REV3L: variants seen among roughly 807,000 people sequenced by gnomAD.
REV3L encodes the protein DNA polymerase zeta catalytic subunit.
REV3L carries 69 observed loss-of-function variants against 299.4 expected under a neutral mutation model. The observed-to-expected ratio is 0.23, with a 90% confidence interval of 0.19 to 0.28. The LOEUF is 0.28. Ranked by LOEUF, REV3L falls within the 10% of genes least tolerant of loss-of-function variation. The pLI is 1.00. For missense variants in REV3L, 3,128 were observed against 3,693.8 expected (o/e 0.85, Z 3.97); for synonymous variants, 1,238 against 1,271.4 (o/e 0.97, Z 0.56).
At chr6:111,333,404 C>G in intron 22 of REV3L, 37 bp from the exon 23 acceptor site, 3 of 1,606,566 alleles carry the variant, frequency 1.9e-6, no homozygotes, top group Non-Finnish European at 2.6e-6. Flanking sequence ...AGAAGAAACA[C>G]AGTTAAATAT....
At chr6:111,352,692 T>TA (rs1777699112) in intron 18 of REV3L, among the ~76,000 whole-genome samples, 1 of 152,082 alleles carries the variant, frequency 6.6e-6, no homozygotes, top group Non-Finnish European at 1.5e-5. Flanking sequence ...TGATTCAACT[T>TA]AATGGAAGAA....
At chr6:111,364,000 C>CAT (rs773841543) in intron 15 of REV3L, 22 bp from the exon 16 acceptor site, 1 of 1,590,518 alleles carries the variant, frequency 6.3e-7, no homozygotes, top group African/African-American at 1.4e-5. Context: ...AACACACACA[C>CAT]ACACAGCCAG....
intron 3 of REV3L, among the ~76,000 whole-genome samples, chr6:111,408,454 A>T (rs1227267239): frequency 6.6e-6 from 1 of 152,098 alleles, no homozygotes; most frequent in Non-Finnish European, 1.5e-5. Flanking sequence ...ATATTAAAAA[A>T]TTAGCCAGGC....
chr6:111,413,795 A>T (rs999706707), intron 2 of REV3L, among the ~76,000 whole-genome samples: 4 of 152,122 alleles, frequency 2.6e-5, no homozygotes, highest in African/African-American at 7.2e-5. Context: ...CTACTCTCAA[A>T]AATGTGGCAA....
chr6:111,310,177 A>G (rs1231828466), intron 29 of REV3L, 78 bp from the exon 30 acceptor site: 1 of 1,439,478 alleles, frequency 6.9e-7, no homozygotes. Context: ...AGTCAGAATT[A>G]AACAATAATA....
rs537623564 is a variant in REV3L, at chr6:111,461,905, C to A, written c.139+20845G>T. 2.6e-5 allele frequency among the ~76,000 whole-genome samples: 4 copies of A among 152,056 alleles called. No individual in the cohort carries two copies. In the South Asian group the frequency reaches 8.3e-4, roughly 32 times the overall value. On this transcript the variant is annotated intron_variant, in intron 1 of 31. Transcript: ENST00000368802. ...CCATAGTGGTAGATTTTAATCCAAC[C>A]ATATTACCAATGTTGATAAATATAA...
At chr6:111,472,038 G>T in intron 1 of REV3L, 1 of 1,185,316 alleles carries the variant, frequency 8.4e-7, no homozygotes, top group South Asian at 1.5e-5. Context: ...ACAATTTTGA[G>T]AGAAATCTTC....
chr6:111,462,253 G>A (rs766759686), intron 1 of REV3L, among the ~76,000 whole-genome samples: 2 of 152,040 alleles, frequency 1.3e-5, no homozygotes, highest in Non-Finnish European at 2.9e-5. Flanking sequence ...TTGCTAATAT[G>A]TATGAAATTC....
At chr6:111,411,962 A>G (rs928206477) in intron 2 of REV3L, 2 of 984,980 alleles carry the variant, frequency 2.0e-6, no homozygotes, top group African/African-American at 1.7e-5. Flanking sequence ...AGAGAAACAG[A>G]CCTTTCAGCC....
At chr6:111,430,563 ATG>A (rs1786780664) in intron 1 of REV3L, 2 of 1,568,034 alleles carry the variant, frequency 1.3e-6, no homozygotes. Flanking sequence ...CATAGACTTC[ATG>A]GCTGACTTGC....
intron 24 of REV3L, 70 bp from the exon 25 acceptor site, chr6:111,329,808 T>C: frequency 1.7e-6 from 2 of 1,171,812 alleles, no homozygotes; most frequent in East Asian, 2.5e-5. Flanking sequence ...GAAGGAAGCA[T>C]AAAACATAAT....
At chr6:111,307,950 G>A (rs371195383) in intron 30 of REV3L, 7 of 221,128 alleles carry the variant, frequency 3.2e-5, no homozygotes, top group African/African-American at 1.1e-4. Context: ...CCCACCCCCC[G>A]ACAGGCCCTG....
chr6:111,440,321 G>A (rs1583002141), intron 1 of REV3L, among the ~76,000 whole-genome samples: 1 of 152,094 alleles, frequency 6.6e-6, no homozygotes. Context: ...CACCCACCTG[G>A]GCCTCCCAAA....
chr6:111,376,783 T>C (rs1264073019), intron 12 of REV3L, 26 bp from the exon 13 acceptor site: 1 of 1,489,902 alleles, frequency 6.7e-7, no homozygotes, highest in Non-Finnish European at 8.9e-7. Flanking sequence ...AAAAACAGTT[T>C]ATTTCATTTT....
chr6:111,304,168 T>C (rs1019237300), intron 31 of REV3L, among the ~76,000 whole-genome samples: 3 of 147,958 alleles, frequency 2.0e-5, no homozygotes, highest in Admixed American at 2.0e-4. Context: ...TGGTCTTGGA[T>C]TGAGAATGAT....
Position 111,482,950 on chromosome 6 carries a change from G to C in REV3L, c.-62C>G. 1 of 1,453,018 alleles carries C rather than the reference G, an allele frequency of 6.9e-7. No individual in the cohort carries two copies. The highest frequency in any genetic ancestry group is 9.0e-7 in the Non-Finnish European group (1 of 1,109,778). 90.0% of individuals were successfully genotyped at this position (1,453,018 alleles called of 1,614,324 possible). ...ACCCGGCAGCGGCAGCAGCAGCGGC[G>C]GCGGCTCCCTCCGCAGCGGCGGCGG... On this transcript the variant is annotated 5_prime_UTR_variant, in exon 1 of 32. Transcript: ENST00000368802.
Position 111,299,713 on chromosome 6 carries a change from G to A in REV3L, c.*303C>T, listed in dbSNP as rs1362107362. The A allele has an allele frequency of 1.1e-5, 2 of 190,026 alleles. No homozygotes were observed. Among genetic ancestry groups the A allele is most frequent in the East Asian group, 1.3e-4 (1 of 7,798 alleles). 11.8% of individuals were successfully genotyped at this position (190,026 alleles called of 1,614,324 possible). On this transcript the variant is annotated 3_prime_UTR_variant, in exon 32 of 32. Transcript: ENST00000368802. The stretch of plus-strand genomic sequence containing the variant: ...AGGTTTTCAGTGCTCCTTCCACTGG[G>A]AAGTAAACATGATCTACTCAAATGA...
In REV3L at chr6:111,376,801, T is replaced by C. The variant is rs17510851; in HGVS notation, c.1598-44A>G. On this transcript the variant is annotated intron_variant, in intron 12 of 31. Coordinates refer to ENST00000368802, the MANE Select transcript of REV3L (RefSeq NM_001372078.1). Reference sequence around the variant, plus strand: ...AACAGTTTATTTCATTTTACTCTTTTAATTTTTAAGACATTTTCCCACACC... The same window carrying C: ...AACAGTTTATTTCATTTTACTCTTTCAATTTTTAAGACATTTTCCCACACC... 1.5e-5 allele frequency: 22 copies of C among 1,441,210 alleles called. No homozygotes were observed. The Admixed American group carries it at 3.7e-4, about 24-fold the overall frequency. 89.3% of individuals were successfully genotyped at this position (1,441,210 alleles called of 1,614,324 possible).
At chr6:111,355,475 A>T (rs1362001118) in intron 18 of REV3L, among the ~76,000 whole-genome samples, 1 of 152,192 alleles carries the variant, frequency 6.6e-6, no homozygotes, top group Non-Finnish European at 1.5e-5. Flanking sequence ...AGTTGTTTGG[A>T]CTAATATATA....
Sources: gnomAD v4.1 joint callset for allele counts (sites outside exome capture counted in the v4.1 genomes callset) on GRCh38, gnomAD v4.1.1 for gene constraint, MANE v1.5 for transcripts, NCBI Gene and HGNC (gene_info 2026-07-23, HGNC 2026-07-21) for gene names.